FAM199X: variants seen among roughly 807,000 people sequenced by gnomAD.
FAM199X encodes protein FAM199X.
A neutral mutation model predicts 22.9 loss-of-function variants in FAM199X; 4 were observed. The observed-to-expected ratio is 0.17, with a 90% CI of 0.09 to 0.40. The LOEUF (loss-of-function observed/expected upper bound fraction) is 0.40, where lower values mean the gene tolerates loss of function less well. Among genes scored for constraint, FAM199X ranks in the 10% least tolerant of loss-of-function variants. FAM199X has a pLI of 1.00. For synonymous variants in FAM199X, 101 were observed against 112.3 expected (o/e 0.90, Z 0.64); for missense variants, 183 against 306.8 (o/e 0.60, Z 3.01).
upstream of FAM199X, among the ~76,000 whole-genome samples, chrX:104,165,189 T>C (rs1864248280): frequency 8.9e-6 from 1 of 112,473 alleles, no homozygotes; most frequent in Non-Finnish European, 1.9e-5. Context: ...ACATACACAA[T>C]GCAACACACC....
chrX:104,175,121 G>T (rs781922756), intron 1 of FAM199X, among the ~76,000 whole-genome samples: 16 of 112,121 alleles, frequency 1.4e-4, no homozygotes, highest in Admixed American at 2.8e-4. Context: ...ACACAGACTT[G>T]GAGAGAGTGT....
chrX:104,158,380 C>G, the FAM199X span, among the ~76,000 whole-genome samples: 6 of 112,178 alleles, frequency 5.3e-5, no homozygotes. Context: ...GGCCCCATTA[C>G]TTCCTATAGT....
chrX:104,188,629 C>T (rs963546949), intron 5 of FAM199X, among the ~76,000 whole-genome samples: 1 of 112,231 alleles, frequency 8.9e-6, no homozygotes, highest in African/African-American at 3.2e-5. Context: ...AATCTCACTA[C>T]GTTGCTGATG....
chrX:104,164,539 G>T (rs1418920599), upstream of FAM199X, among the ~76,000 whole-genome samples: 2 of 110,895 alleles, frequency 1.8e-5, no homozygotes, highest in Non-Finnish European at 3.8e-5. Flanking sequence ...ATTAGACTCC[G>T]CTTTAAAAAA....
chrX:104,192,498 A>G lies in FAM199X; in HGVS notation c.*2720A>G, dbSNP rs1201033570. On this transcript the variant is annotated 3_prime_UTR_variant, in exon 6 of 6. Coordinates refer to ENST00000493442, the MANE Select transcript of FAM199X (RefSeq NM_207318.4). ...ACATTTCCCACAGATTTATCCAGAA[A>G]CATTTTATTAGAGATCTTATAGTAG... 2 of 111,450 alleles carry G rather than the reference A, an allele frequency of 1.8e-5. No individual in the cohort carries two copies. The highest frequency in any genetic ancestry group is 1.9e-4 in the Admixed American group (2 of 10,430). The allele number at this position is 111,450 out of a possible 1,213,427, so 9.2% of individuals were successfully genotyped here.
At chrX:104,176,176 A>G (rs1274643318) in intron 2 of FAM199X, among the ~76,000 whole-genome samples, 1 of 112,152 alleles carries the variant, frequency 8.9e-6, no homozygotes, top group Non-Finnish European at 1.9e-5. Context: ...TTGTGTCCTT[A>G]TAGGACAAAT....
At position 104,190,910 on chromosome X, in the gene FAM199X, T is replaced by C. The variant is rs949733428; in HGVS notation, c.*1132T>C. On this transcript the variant is annotated 3_prime_UTR_variant, in exon 6 of 6. Coordinates refer to ENST00000493442, the MANE Select transcript of FAM199X (RefSeq NM_207318.4). ...TAATTTTAACTGTGAAATCATGGAG[T>C]TTCTTTAAATGTTTTCCTAGAGTGT... 2 of 111,634 alleles carry C rather than the reference T, an allele frequency of 1.8e-5. No individual in the cohort carries two copies. Among genetic ancestry groups the C allele is most frequent in the Admixed American group, 1.9e-4 (2 of 10,513 alleles). The allele number at this position is 111,634 out of a possible 1,213,427, so 9.2% of individuals were successfully genotyped here.
intron 3 of FAM199X, 82 bp from the exon 4 acceptor site, chrX:104,186,375 TCTG>T: frequency 5.5e-6 from 6 of 1,098,783 alleles, no homozygotes; most frequent in Non-Finnish European, 7.4e-6. Context: ...CTTAAGTGCT[TCTG>T]CTATGTAAAC....
intron 1 of FAM199X, among the ~76,000 whole-genome samples, chrX:104,173,364 A>G (rs1411247574): frequency 8.9e-6 from 1 of 111,826 alleles, no homozygotes; most frequent in African/African-American, 3.3e-5. Flanking sequence ...ACTATCTATA[A>G]AAATTTATTG....
intron 1 of FAM199X, 131 bp downstream of exon 1, chrX:104,167,113 C>G (rs781953732): frequency 1.9e-6 from 1 of 519,827 alleles, no homozygotes; most frequent in Non-Finnish European, 2.9e-6. Flanking sequence ...TCATTCCCGG[C>G]CTCCTTCCCT....
At chrX:104,167,129 C>A in intron 1 of FAM199X, 147 bp downstream of exon 1, 1 of 473,550 alleles carries the variant, frequency 2.1e-6, no homozygotes, top group Non-Finnish European at 3.3e-6. Flanking sequence ...TCCCTGCCCC[C>A]CCTCCCTATT....
upstream of FAM199X, among the ~76,000 whole-genome samples, chrX:104,163,221 T>C (rs1556372999): frequency 9.0e-6 from 1 of 111,292 alleles, no homozygotes; most frequent in Non-Finnish European, 1.9e-5. Context: ...TTCTATCCAA[T>C]GGTAAACAAA....
At position 104,185,087 on chromosome X, in the gene FAM199X, T is replaced by A. The variant is rs552148009; in HGVS notation, c.418-979T>A. Among the ~76,000 whole-genome samples, 142 of 103,160 alleles carry A rather than the reference T, an allele frequency of 1.4e-3. 2 individuals carry two copies. The highest frequency in any genetic ancestry group is 4.8e-3 in the African/African-American group (134 of 28,079). 89.6% of individuals were successfully genotyped at this position (103,160 alleles called of 115,157 possible). A position where few individuals can be genotyped will look rare whatever the true frequency, so the allele number is the denominator to read the frequency against. ...ATTTTTTTTTTTTTTTTTTTTTTTT[T>A]AGAGAGACGGGGTCTCGCCACATTG... On this transcript the variant is annotated intron_variant, in intron 2 of 5. Transcript: ENST00000493442.
At chrX:104,161,792 G>A (rs1482254670), upstream of FAM199X, among the ~76,000 whole-genome samples, 1 of 110,376 alleles carries the variant, frequency 9.1e-6, no homozygotes, top group Non-Finnish European at 1.9e-5. Flanking sequence ...AGTGAGCCAA[G>A]ATAGTGCCAC....
chrX:104,189,088 A>C (rs1921874740), intron 5 of FAM199X, among the ~76,000 whole-genome samples: 2 of 111,500 alleles, frequency 1.8e-5, no homozygotes, highest in South Asian at 7.5e-4. Flanking sequence ...GGTGACAAGG[A>C]TGGGAGTATC....
chrX:104,162,201 G>A (rs1921058695), upstream of FAM199X, among the ~76,000 whole-genome samples: 1 of 111,832 alleles, frequency 8.9e-6, no homozygotes, highest in Non-Finnish European at 1.9e-5. Context: ...AGCTCTGATT[G>A]GTTGATACAG....
the FAM199X span, among the ~76,000 whole-genome samples, chrX:104,161,069 A>C: frequency 5.4e-5 from 6 of 111,494 alleles, no homozygotes; most frequent in Admixed American, 5.7e-4. Context: ...TATATATCAT[A>C]ATTTATTTTA....
chrX:104,168,778 G>C (rs1369337922), intron 1 of FAM199X, among the ~76,000 whole-genome samples: 1 of 110,424 alleles, frequency 9.1e-6, no homozygotes, highest in Non-Finnish European at 1.9e-5. Context: ...ACTGTGGTGA[G>C]GTCAGGACTG....
intron 2 of FAM199X, among the ~76,000 whole-genome samples, chrX:104,184,589 A>G (rs1384583665): frequency 9.0e-6 from 1 of 110,980 alleles, no homozygotes; most frequent in Non-Finnish European, 1.9e-5. Context: ...AAAAGTATAC[A>G]TAAATATATA....
Sources: gnomAD v4.1 joint callset for allele counts (sites outside exome capture counted in the v4.1 genomes callset) on GRCh38, gnomAD v4.1.1 for gene constraint, MANE v1.5 for transcripts, NCBI Gene and HGNC (gene_info 2026-07-23, HGNC 2026-07-21) for gene names.